Variants in MFGE8 observed in about 807,000 individuals in gnomAD.
MFGE8 encodes milk fat globule EGF and factor V/VIII domain containing.
Under a neutral mutation model 42.6 loss-of-function variants are expected in MFGE8, and 34 were observed. The observed-to-expected ratio is 0.80, with a 90% confidence interval of 0.61 to 1.06. The LOEUF (loss-of-function observed/expected upper bound fraction) is 1.06, where lower values mean the gene tolerates loss of function less well. Ranked by LOEUF, MFGE8 falls within the 50% of genes least tolerant of loss-of-function variation. The probability of loss-of-function intolerance (pLI) is 0.00; values close to 1 mark genes in which losing one functional copy is unlikely to be tolerated. For synonymous variants in MFGE8, 230 were observed against 214.8 expected (o/e 1.07, Z -0.62); for missense variants, 510 against 516.9 (o/e 0.99, Z 0.13).
chr15:88,901,940 G>T, intron 5 of MFGE8: 1 of 604,022 alleles, frequency 1.7e-6, no homozygotes, highest in Middle Eastern at 4.4e-4. Flanking sequence ...ACCTCAACCA[G>T]CCGGGCTCAG....
intron 1 of MFGE8, 27 bp downstream of exon 1, chr15:88,913,220 G>T (rs1340217965): frequency 1.3e-6 from 2 of 1,495,154 alleles, no homozygotes; most frequent in Non-Finnish European, 1.8e-6. Flanking sequence ...GAGGGGCGAG[G>T]GGCAGAGGGC....
intron 1 of MFGE8, chr15:88,910,318 AG>A (rs1898898268): frequency 3.0e-6 from 1 of 332,344 alleles, no homozygotes; most frequent in African/African-American, 2.2e-5. Context: ...GAGGACTTTC[AG>A]GCAGGGGCAG....
At position 88,905,618 on chromosome 15, in the gene MFGE8, C is replaced by T. The variant is rs548108508; in HGVS notation, c.685+139G>A. The T allele has an allele frequency of 9.4e-5, 111 of 1,175,920 alleles. 1 individual carries two copies. Among genetic ancestry groups the T allele is most frequent in the Admixed American group, 2.8e-4 (15 of 52,648 alleles). The allele number at this position is 1,175,920 out of a possible 1,614,324, so 72.8% of individuals were successfully genotyped here. On this transcript the variant is annotated intron_variant, in intron 5 of 7. Transcript: ENST00000268150. This position sits in a 1 kb window ranked among gnomAD's most constrained non-coding sequence, Gnocchi z 6.6. ...TATGGCCAGGTGACCCCCTAGAGTG[C>T]GTTGCCCGAGTGAAGCCTGGTCCCC... is the stretch of plus-strand genomic sequence containing the variant.
At position 88,909,944 on chromosome 15, in the gene MFGE8, G is replaced by C. The variant is rs2280212; in HGVS notation, c.74-21C>G. 5.9e-4 allele frequency: 957 copies of C among 1,613,746 alleles called. 18 individuals carry two copies. In the East Asian group the frequency reaches 0.021, roughly 35 times the overall value. On this transcript the variant is annotated intron_variant, in intron 1 of 7. Coordinates refer to ENST00000268150, the MANE Select transcript of MFGE8 (RefSeq NM_005928.4). Reference sequence around the variant, plus strand: ...GATATCTGGGGACAGAGACAGGTAAGATGAGCAGATGATCAGGAAGGAGCT... The same window carrying C: ...GATATCTGGGGACAGAGACAGGTAACATGAGCAGATGATCAGGAAGGAGCT...
chr15:88,912,610 C>T, intron 1 of MFGE8: 2 of 985,360 alleles, frequency 2.0e-6, no homozygotes, highest in Non-Finnish European at 1.2e-6. Context: ...GGGGAAGATA[C>T]AGCAGCCGGC....
chr15:88,898,912 A>G lies in MFGE8; in HGVS notation c.*483T>C. 4.5e-6 allele frequency: 1 copy of G among 220,568 alleles called. No homozygotes were observed. The highest frequency in any genetic ancestry group is 9.2e-6 in the Non-Finnish European group (1 of 108,920). 13.7% of individuals were successfully genotyped at this position (220,568 alleles called of 1,614,324 possible). ...GGAAGTGTCTTGGGGACAGGGGGCCACAGCAGTTGTGGCCACATGGTACCC... is the reference window on the plus strand; with the variant it reads ...GGAAGTGTCTTGGGGACAGGGGGCCGCAGCAGTTGTGGCCACATGGTACCC... On this transcript the variant is annotated 3_prime_UTR_variant, in exon 8 of 8. Coordinates refer to ENST00000268150, the MANE Select transcript of MFGE8 (RefSeq NM_005928.4).
At chr15:88,900,361 C>A (rs115778571) in intron 6 of MFGE8, among the ~76,000 whole-genome samples, 2 of 152,274 alleles carry the variant, frequency 1.3e-5, no homozygotes, top group Middle Eastern at 6.8e-3. Flanking sequence ...GCCAACTCCA[C>A]GCCAACCACC....
In MFGE8 at chr15:88,905,800, C is replaced by G; in HGVS notation, c.642G>C (p.Thr214=). The G allele has an allele frequency of 6.2e-7, 1 of 1,614,186 alleles. No individual in the cohort carries two copies. The highest frequency in any genetic ancestry group is 1.1e-5 in the South Asian group (1 of 91,082). ...GTAGCTCAAAGCGCAGAGTGCAGGC[C>G]GTGTGGCAGCTCGTGGGGTACAATC... ...YVRLYPTSCH[T]ACTLRFELLG... Residue 214 remains threonine, a synonymous_variant, in exon 5 of 8, where the codon ACG becomes ACC. Coordinates refer to ENST00000268150, the MANE Select transcript of MFGE8 (RefSeq NM_005928.4). This position sits in a 1 kb window ranked among gnomAD's most constrained non-coding sequence, Gnocchi z 6.6.
Position 88,906,621 on chromosome 15 carries a change from C to T in MFGE8, c.540+5G>A, listed in dbSNP as rs1898688747. 1 of 1,613,846 alleles carries T rather than the reference C, an allele frequency of 6.2e-7. No individual in the cohort carries two copies. The highest frequency in any genetic ancestry group is 1.7e-5 in the Admixed American group (1 of 59,982). On this transcript the variant is annotated splice_donor_5th_base_variant and intron_variant, in intron 4 of 7. Coordinates refer to ENST00000268150, the MANE Select transcript of MFGE8 (RefSeq NM_005928.4). The surrounding 1 kb of genome is among the most constrained non-coding windows in gnomAD (Gnocchi z 4.2). ...GCCCTTCTTTCGGGCCCCAACAAGACCTACCTTGTGTTTTTTATTAACATC... is the reference window on the plus strand; with the variant it reads ...GCCCTTCTTTCGGGCCCCAACAAGATCTACCTTGTGTTTTTTATTAACATC...
rs553725171 is a variant in MFGE8 at position 88,902,137 on chromosome 15, C to G, written c.686-402G>C. 1.2e-5 allele frequency: 3 copies of G among 257,044 alleles called. No homozygotes were observed. The highest frequency in any genetic ancestry group is 6.6e-5 in the African/African-American group (3 of 45,698). The allele number at this position is 257,044 out of a possible 1,614,324, so 15.9% of individuals were successfully genotyped here. ...TCTTCTGGACTCACAGCACTGCCCC[C>G]ATCGCCTCGGCCTCCCATCCGTCCC... On this transcript the variant is annotated intron_variant, in intron 5 of 7. Transcript: ENST00000268150. The surrounding 1 kb of genome is among the most constrained non-coding windows in gnomAD (Gnocchi z 4.3).
chr15:88,901,304 C>CACAT (rs1567215000), intron 6 of MFGE8, among the ~76,000 whole-genome samples: 197 of 85,948 alleles, frequency 2.3e-3, no homozygotes, highest in Middle Eastern at 0.013. Context: ...CATTCACACA[C>CACAT]TCACACACAC....
chr15:88,909,995 T>A (rs1250644803), intron 1 of MFGE8, 72 bp from the exon 2 acceptor site: 1 of 1,593,472 alleles, frequency 6.3e-7, no homozygotes, highest in Non-Finnish European at 8.6e-7. Flanking sequence ...AAGTAGCAGA[T>A]GGGTCCAGCC....
chr15:88,901,289 ACACACATT>A (rs1485217893), intron 6 of MFGE8, among the ~76,000 whole-genome samples: 2 of 150,022 alleles, frequency 1.3e-5, no homozygotes, highest in East Asian at 1.9e-4. Flanking sequence ...ACTCACATTC[ACACACATT>A]CACACACTCA....
At position 88,899,257 on chromosome 15, in the gene MFGE8, G is replaced by C; in HGVS notation, c.*138C>G. ...GGAGGGTGGGAAAGAGGGAGGGAGGGGTGACTGTGTGGTGGTGCTGCCTCT... is the reference window on the plus strand; with the variant it reads ...GGAGGGTGGGAAAGAGGGAGGGAGGCGTGACTGTGTGGTGGTGCTGCCTCT... On this transcript the variant is annotated 3_prime_UTR_variant, in exon 8 of 8. Transcript: ENST00000268150. This position sits in a 1 kb window ranked among gnomAD's most constrained non-coding sequence, Gnocchi z 6.8. 8.6e-7 allele frequency: 1 copy of C among 1,162,650 alleles called. No homozygotes were observed. The highest frequency in any genetic ancestry group is 1.2e-6 in the Non-Finnish European group (1 of 814,174). The allele number at this position is 1,162,650 out of a possible 1,614,324, so 72.0% of individuals were successfully genotyped here.
chr15:88,907,057 A>G, intron 3 of MFGE8, 138 bp downstream of exon 3: 3 of 1,147,872 alleles, frequency 2.6e-6, no homozygotes, highest in Non-Finnish European at 3.8e-6. Context: ...ATCCACTTAC[A>G]GATACTTCAT....
intron 2 of MFGE8, among the ~76,000 whole-genome samples, chr15:88,907,850 C>T (rs1203257222): frequency 1.3e-5 from 2 of 152,142 alleles, no homozygotes; most frequent in Non-Finnish European, 2.9e-5. Flanking sequence ...CAGGAAGGGA[C>T]GCCATCCTCA....
intron 2 of MFGE8, among the ~76,000 whole-genome samples, chr15:88,909,052 C>T (rs945632518): frequency 3.9e-5 from 6 of 152,216 alleles, no homozygotes; most frequent in African/African-American, 1.4e-4. Context: ...TCCCTGGGCC[C>T]ACATGTGGGC....
chr15:88,904,468 G>C (rs1898574839), intron 5 of MFGE8: 1 of 152,206 alleles, frequency 6.6e-6, no homozygotes, highest in Non-Finnish European at 1.5e-5. Context: ...GGCTTCCTTG[G>C]TTTGCAAGAC....
intron 1 of MFGE8, chr15:88,912,528 G>C: frequency 4.1e-6 from 4 of 985,378 alleles, no homozygotes; most frequent in Non-Finnish European, 4.8e-6. Context: ...GAATGGCACG[G>C]GGCATCCGCA....
Sources: gnomAD v4.1 joint callset for allele counts (sites outside exome capture counted in the v4.1 genomes callset) on GRCh38, gnomAD v4.1.1 for gene constraint, Gnocchi (gnomAD v3.1) non-coding constraint, MANE v1.5 for transcripts, NCBI Gene and HGNC (gene_info 2026-07-23, HGNC 2026-07-21) for gene names.